BCL11A: variants seen among roughly 807,000 people sequenced by gnomAD.
BCL11A encodes the protein BCL11 transcription factor A, also known as B cell CLL/lymphoma 11A.
BCL11A carries 2 observed loss-of-function variants against 55.9 expected under a neutral mutation model. The observed-to-expected ratio is 0.04, with a 90% CI of 0.01 to 0.11. BCL11A has a LOEUF of 0.11. Ranked by LOEUF, BCL11A falls within the 10% of genes least tolerant of loss-of-function variation. BCL11A has a pLI of 1.00. For missense variants in BCL11A, 817 were observed against 1,137.1 expected, an observed-to-expected ratio of 0.72 and a Z score of 4.05; for synonymous variants, 465 against 473.4, an observed-to-expected ratio of 0.98 and a Z score of 0.23.
chr2:60,513,835 A>ACT (rs1193423216), intron 2 of BCL11A, among the ~76,000 whole-genome samples: 1 of 151,910 alleles, frequency 6.6e-6, no homozygotes, highest in Admixed American at 6.5e-5. Flanking sequence ...TGAAGGGCAG[A>ACT]CTCTCTCTTC....
chr2:60,481,778 G>C (rs887014285), intron 2 of BCL11A, among the ~76,000 whole-genome samples: 3 of 152,162 alleles, frequency 2.0e-5, no homozygotes, highest in Non-Finnish European at 4.4e-5. Flanking sequence ...CAGAACCCTA[G>C]TACATTCTGT....
intron 2 of BCL11A, chr2:60,537,689 A>G (rs1669731890): frequency 6.6e-6 from 1 of 152,266 alleles, no homozygotes; most frequent in African/African-American, 2.4e-5. Flanking sequence ...CAGCCTTTTT[A>G]TGCATCATTA....
At chr2:60,530,332 TAA>T (rs10699821) in intron 2 of BCL11A, among the ~76,000 whole-genome samples, 37 of 129,900 alleles carry the variant, frequency 2.8e-4, no homozygotes, top group Admixed American at 3.9e-4. Context: ...TTCAGCCATT[TAA>T]AAAAAAAAAA....
chr2:60,528,115 C>A (rs147021532), intron 2 of BCL11A: 1 of 152,836 alleles, frequency 6.5e-6, no homozygotes, highest in Admixed American at 6.5e-5. Context: ...GATTATGACC[C>A]CCCAGAACCC....
chr2:60,551,289 T>C (rs541629747), intron 1 of BCL11A, among the ~76,000 whole-genome samples: 2 of 152,320 alleles, frequency 1.3e-5, no homozygotes, highest in South Asian at 2.1e-4. Flanking sequence ...CCAGCTCTTA[T>C]ACAGACTCAC....
downstream of BCL11A, among the ~76,000 whole-genome samples, chr2:60,454,157 G>C (rs1675840231): frequency 6.6e-6 from 1 of 152,092 alleles, no homozygotes; most frequent in African/African-American, 2.4e-5. Context: ...ATGCCAGCAA[G>C]CAGAAGTGCA....
At chr2:60,488,005 A>G (rs1328966916) in intron 2 of BCL11A, among the ~76,000 whole-genome samples, 2 of 152,258 alleles carry the variant, frequency 1.3e-5, no homozygotes, top group South Asian at 2.1e-4. Flanking sequence ...GGGAAGCAAT[A>G]TATGAACAAT....
chr2:60,456,521 C>G (rs1465168763), downstream of BCL11A, among the ~76,000 whole-genome samples: 1 of 152,196 alleles, frequency 6.6e-6, no homozygotes, highest in East Asian at 1.9e-4. Flanking sequence ...AGGCAAACCA[C>G]TATGCATCTC....
In BCL11A at chr2:60,461,220, C is replaced by T. The variant is rs1483620151; in HGVS notation, c.1692G>A (p.Gln564=). 6.2e-7 allele frequency: 1 copy of T among 1,611,466 alleles called. No homozygotes were observed. Among genetic ancestry groups the T allele is most frequent in the East Asian group, 2.2e-5 (1 of 44,854 alleles). Residue 564 remains glutamine, a synonymous_variant, in exon 4 of 4, where the codon CAG becomes CAA. Coordinates refer to ENST00000642384, the MANE Select transcript of BCL11A (RefSeq NM_022893.4). ...SMQHFSEAFH[Q]VLGEKHKRGH... is the part of the protein sequence containing the mutation. ...CGCGCTTATGCTTCTCGCCCAGGAC[C>T]TGGTGGAAGGCCTCGCTGAAGTGCT... is the stretch of plus-strand genomic sequence containing the variant.
Position 60,546,438 on chromosome 2 carries a change from G to T in BCL11A, c.56-138C>A. On this transcript the variant is annotated intron_variant, in intron 1 of 3. Coordinates refer to ENST00000642384, the MANE Select transcript of BCL11A (RefSeq NM_022893.4). This position sits in a 1 kb window ranked among gnomAD's most constrained non-coding sequence, Gnocchi z 4.1. ...CTTCTCTATATAATACCCAGAAAATGTGAGCATACAAAAAGTACAAGGATG... is the reference window on the plus strand; with the variant it reads ...CTTCTCTATATAATACCCAGAAAATTTGAGCATACAAAAAGTACAAGGATG... 1 of 743,652 alleles carries T rather than the reference G, an allele frequency of 1.3e-6. No individual in the cohort carries two copies. Among genetic ancestry groups the T allele is most frequent in the Non-Finnish European group, 2.2e-6 (1 of 461,616 alleles). 46.1% of individuals were successfully genotyped at this position (743,652 alleles called of 1,614,324 possible). A position where few individuals can be genotyped will look rare whatever the true frequency, so the allele number is the denominator to read the frequency against.
At position 60,458,261 on chromosome 2, in the gene BCL11A, T is replaced by C; in HGVS notation, c.*2143A>G. ...TTAAGTACTATATAATCTTAAACCT[T>C]TCCCCAATGTATGTTTTTTTTTTTT... On this transcript the variant is annotated 3_prime_UTR_variant, in exon 4 of 4. Coordinates refer to ENST00000642384, the MANE Select transcript of BCL11A (RefSeq NM_022893.4). 1 of 1,026,086 alleles carries C rather than the reference T, an allele frequency of 9.7e-7. No homozygotes were observed. The highest frequency in any genetic ancestry group is 1.2e-6 in the Non-Finnish European group (1 of 853,678). The allele number at this position is 1,026,086 out of a possible 1,614,324, so 63.6% of individuals were successfully genotyped here.
At chr2:60,531,065 C>G (rs996488165) in intron 2 of BCL11A, among the ~76,000 whole-genome samples, 2 of 152,166 alleles carry the variant, frequency 1.3e-5, no homozygotes, top group Non-Finnish European at 2.9e-5. Context: ...GTGCTCCTTC[C>G]CTCTTGCCAC....
At chr2:60,553,113 A>T (rs1245376454) in intron 1 of BCL11A, 103 bp downstream of exon 1, 5 of 1,249,766 alleles carry the variant, frequency 4.0e-6, no homozygotes, top group Non-Finnish European at 5.4e-6. Flanking sequence ...TGAAAAATTT[A>T]AAAATGCATG....
chr2:60,515,568 A>T (rs1400534368), intron 2 of BCL11A, among the ~76,000 whole-genome samples: 3 of 152,254 alleles, frequency 2.0e-5, no homozygotes, highest in Non-Finnish European at 4.4e-5. Flanking sequence ...TGACAGAGTC[A>T]GGCCTTCCTA....
downstream of BCL11A, among the ~76,000 whole-genome samples, chr2:60,453,574 G>T (rs1002836133): frequency 7.9e-5 from 12 of 152,232 alleles, no homozygotes; most frequent in Admixed American, 2.0e-4. Flanking sequence ...GGCATGCTGC[G>T]TCCAGGTGGG....
intron 1 of BCL11A, among the ~76,000 whole-genome samples, chr2:60,552,409 A>G (rs1026545026): frequency 5.3e-5 from 8 of 151,798 alleles, no homozygotes; most frequent in African/African-American, 1.9e-4. Context: ...CCCCGGCCCT[A>G]GCTCCTGCCC....
intron 1 of BCL11A, chr2:60,550,750 G>C: frequency 2.5e-6 from 1 of 398,474 alleles, no homozygotes; most frequent in East Asian, 3.6e-5. Flanking sequence ...AGAGGGGTAC[G>C]AGGGAGCAGC....
intron 2 of BCL11A, among the ~76,000 whole-genome samples, chr2:60,493,183 GT>G (rs34211119): frequency 0.63 from 96,048 of 152,008 alleles, 32,010 homozygotes; most frequent in African/African-American, 0.7. Flanking sequence ...CTACTGTTGA[GT>G]TGTATTCCAC....
chr2:60,487,840 T>C (rs1244373786), intron 2 of BCL11A, among the ~76,000 whole-genome samples: 4 of 152,196 alleles, frequency 2.6e-5, no homozygotes, highest in Non-Finnish European at 5.9e-5. Context: ...GAAATCTGGA[T>C]AAGAATTTGG....
Sources: gnomAD v4.1 joint callset for allele counts (sites outside exome capture counted in the v4.1 genomes callset) on GRCh38, gnomAD v4.1.1 for gene constraint, Gnocchi (gnomAD v3.1) non-coding constraint, MANE v1.5 for transcripts, NCBI Gene and HGNC (gene_info 2026-07-23, HGNC 2026-07-21) for gene names.